Variants in DNAJB6 observed in about 807,000 individuals in gnomAD.
DNAJB6 encodes the protein dnaJ homolog subfamily B member 6.
Under a neutral mutation model 42.7 loss-of-function variants are expected in DNAJB6, and 16 were observed. That is an observed-to-expected ratio of 0.37 (90% CI 0.25 to 0.57). DNAJB6 has a LOEUF of 0.57. DNAJB6 is among the 20% of genes least tolerant of loss of function. The probability of loss-of-function intolerance (pLI) is 0.74; values close to 1 mark genes in which losing one functional copy is unlikely to be tolerated. For missense variants in DNAJB6, 347 were observed against 416.8 expected (o/e 0.83, Z 1.46); for synonymous variants, 170 against 163.5 (o/e 1.04, Z -0.30).
intron 1 of DNAJB6, among the ~76,000 whole-genome samples, chr7:157,352,736 C>T (rs1248062531): frequency 6.6e-6 from 1 of 152,126 alleles, no homozygotes; most frequent in African/African-American, 2.4e-5. Flanking sequence ...CTAGATGGAG[C>T]TCAGGGCTTT....
chr7:157,374,201 T>C (rs1800358036), intron 5 of DNAJB6, among the ~76,000 whole-genome samples: 1 of 152,126 alleles, frequency 6.6e-6, no homozygotes, highest in Non-Finnish European at 1.5e-5. Context: ...CATGCCAAAC[T>C]CATGTATGGT....
At position 157,409,888 on chromosome 7, in the gene DNAJB6, C is replaced by T. The variant is rs1179977714; in HGVS notation, c.785C>T (p.Pro262Leu). 3.3e-6 allele frequency: 5 copies of T among 1,533,928 alleles called. No individual in the cohort carries two copies. Among genetic ancestry groups the T allele is most frequent in the Non-Finnish European group, 4.4e-6 (5 of 1,145,670 alleles). The change falls in exon 9 of 10, where the codon CCG (proline) becomes CTG (leucine). Residue 262 changes from proline to leucine, a missense_variant. This residue lies in a region of DNAJB6 where 264 missense variants were observed against 288.0 expected (regional missense o/e 0.92). Coordinates refer to ENST00000262177, the MANE Select transcript of DNAJB6 (RefSeq NM_058246.4). ...AQPAGLRPPK[P>L]PRPASLLRHA... ...CCTGCCGGCCTCCGCCCGCCGAAGC[C>T]GCCCCGGCCTGCCTCGCTGCTGAGA...
intron 3 of DNAJB6, among the ~76,000 whole-genome samples, chr7:157,364,835 C>T (rs958338346): frequency 2.0e-5 from 3 of 152,212 alleles, no homozygotes; most frequent in African/African-American, 7.2e-5. Context: ...TCAGTGCCAG[C>T]TGGAGTTGTC....
At chr7:157,345,738 A>G (rs753906262) in intron 1 of DNAJB6, among the ~76,000 whole-genome samples, 2 of 152,176 alleles carry the variant, frequency 1.3e-5, no homozygotes, top group Non-Finnish European at 2.9e-5. Context: ...ATGACTTCAG[A>G]TTTAAATAGC....
At chr7:157,384,528 A>C (rs772412581) in intron 6 of DNAJB6, among the ~76,000 whole-genome samples, 1 of 152,144 alleles carries the variant, frequency 6.6e-6, no homozygotes, top group African/African-American at 2.4e-5. Context: ...TTAACACAAC[A>C]CGTGCTTCAT....
chr7:157,389,742 TC>T (rs1432412307), intron 8 of DNAJB6, among the ~76,000 whole-genome samples: 2 of 152,208 alleles, frequency 1.3e-5, no homozygotes, highest in Non-Finnish European at 2.9e-5. Flanking sequence ...CAGCAGCTAT[TC>T]CTGTGTTAGA....
chr7:157,385,547 C>T lies in DNAJB6; in HGVS notation c.627C>T (p.Val209=), dbSNP rs1554463986. The change falls in exon 8 of 10, where the codon GTC becomes GTT. Residue 209 remains valine, a synonymous_variant. Coordinates refer to ENST00000262177, the MANE Select transcript of DNAJB6 (RefSeq NM_058246.4). ...NGRKITTKRI[V]ENGQERVEVE... ...ATGAATTTTTTTCCTACAGAATTGT[C>T]GAGAACGGTCAAGAAAGAGTAGAAG... The T allele has an allele frequency of 1.7e-5, 28 of 1,612,710 alleles. 1 individual carries two copies. Among genetic ancestry groups the T allele is most frequent in the South Asian group, 1.7e-4 (15 of 90,750 alleles).
chr7:157,337,497 G>T, intron 1 of DNAJB6: 1 of 149,588 alleles, frequency 6.7e-6, no homozygotes, highest in South Asian at 1.9e-4. Flanking sequence ...CGGCGGGGCC[G>T]GCAGCGTGGG....
chr7:157,388,245 C>G (rs998642025), intron 8 of DNAJB6, among the ~76,000 whole-genome samples: 1 of 152,184 alleles, frequency 6.6e-6, no homozygotes, highest in Non-Finnish European at 1.5e-5. Flanking sequence ...AAATCTTACA[C>G]CTTTCATTTT....
intron 8 of DNAJB6, among the ~76,000 whole-genome samples, chr7:157,405,756 G>T: frequency 6.6e-6 from 1 of 152,240 alleles, no homozygotes; most frequent in African/African-American, 2.4e-5. Context: ...ATAATGCTGG[G>T]CCTGGGAGGG....
intron 1 of DNAJB6, among the ~76,000 whole-genome samples, chr7:157,358,334 C>T (rs929113515): frequency 2.0e-5 from 3 of 152,156 alleles, no homozygotes; most frequent in Non-Finnish European, 4.4e-5. Flanking sequence ...TTTTCCCCGT[C>T]TCTAGAAGGG....
At chr7:157,351,670 C>A (rs971035309) in intron 1 of DNAJB6, among the ~76,000 whole-genome samples, 2 of 148,168 alleles carry the variant, frequency 1.3e-5, no homozygotes, top group South Asian at 2.1e-4. Flanking sequence ...ACAAAAAAAA[C>A]CACAAAACTT....
intron 1 of DNAJB6, among the ~76,000 whole-genome samples, chr7:157,358,251 C>T (rs1799408331): frequency 6.6e-6 from 1 of 152,196 alleles, no homozygotes; most frequent in South Asian, 2.1e-4. Flanking sequence ...AGCTAGTGGT[C>T]AAGTGGCACG....
chr7:157,382,221 A>AGT (rs1233602116), intron 5 of DNAJB6, 25 bp from the exon 6 acceptor site: 1 of 1,561,916 alleles, frequency 6.4e-7, no homozygotes, highest in Non-Finnish European at 8.6e-7. Flanking sequence ...AAGACTTCAT[A>AGT]GTGTGTGTTT....
chr7:157,404,902 G>T (rs561699283), intron 8 of DNAJB6, among the ~76,000 whole-genome samples: 1 of 152,192 alleles, frequency 6.6e-6, no homozygotes, highest in Non-Finnish European at 1.5e-5. Flanking sequence ...GCCTCCCAAA[G>T]TGCTGGGATG....
At chr7:157,371,273 T>C (rs1273561299) in intron 5 of DNAJB6, among the ~76,000 whole-genome samples, 1 of 152,268 alleles carries the variant, frequency 6.6e-6, no homozygotes, top group Non-Finnish European at 1.5e-5. Context: ...CCTGGTGTAC[T>C]TTCCACGTGA....
intron 5 of DNAJB6, among the ~76,000 whole-genome samples, chr7:157,370,593 G>A (rs1016238000): frequency 4.6e-5 from 7 of 152,084 alleles, no homozygotes; most frequent in African/African-American, 1.7e-4. Context: ...CTAATTAGAT[G>A]TGAGTGAATA....
At chr7:157,394,964 G>A (rs1021045943) in intron 8 of DNAJB6, among the ~76,000 whole-genome samples, 4 of 152,106 alleles carry the variant, frequency 2.6e-5, no homozygotes, top group East Asian at 3.8e-4. Flanking sequence ...GGGGGTGCAC[G>A]CCTCTAGTCC....
intron 2 of DNAJB6, 107 bp from the exon 3 acceptor site, chr7:157,363,054 A>G (rs1799681979): frequency 3.0e-6 from 2 of 672,626 alleles, no homozygotes; most frequent in Non-Finnish European, 5.2e-6. Context: ...TATTCATCTC[A>G]CCAGTTGGCA....
Sources: allele counts gnomAD v4.1 joint callset (sites outside exome capture counted in the v4.1 genomes callset), GRCh38; gene constraint gnomAD v4.1.1; regional missense constraint gnomAD v4.1.1; transcripts MANE v1.5; gene names NCBI Gene and HGNC (gene_info 2026-07-23, HGNC 2026-07-21).